ADGRE1: variants seen among roughly 807,000 people sequenced by gnomAD.
ADGRE1 encodes the protein EGF-like module receptor 1.
ADGRE1 carries 82 observed loss-of-function variants against 102.7 expected under a neutral mutation model. The observed-to-expected ratio is 0.80, with a 90% CI of 0.67 to 0.96. The LOEUF (loss-of-function observed/expected upper bound fraction) is 0.96, where lower values mean the gene tolerates loss of function less well. Among genes scored for constraint, ADGRE1 ranks in the 40% least tolerant of loss-of-function variants. The probability of loss-of-function intolerance (pLI) is 0.00; values close to 1 mark genes in which losing one functional copy is unlikely to be tolerated. For synonymous variants in ADGRE1, 398 were observed against 399.6 expected (o/e 1.00, Z 0.05); for missense variants, 1,032 against 1,085.3 (o/e 0.95, Z 0.69).
At chr19:6,889,749 T>C (rs905163483) in intron 1 of ADGRE1, among the ~76,000 whole-genome samples, 19 of 150,804 alleles carry the variant, frequency 1.3e-4, no homozygotes, top group African/African-American at 4.2e-4. Context: ...TCATGAAATG[T>C]TAATACTACA....
chr19:6,891,110 T>C (rs1599707810), intron 2 of ADGRE1: 1 of 152,398 alleles, frequency 6.6e-6, no homozygotes, highest in African/African-American at 2.4e-5. Flanking sequence ...TTGGAGATAA[T>C]TGAATCATGG....
chr19:6,935,572 T>C (rs1975369691), intron 18 of ADGRE1, among the ~76,000 whole-genome samples: 3 of 152,224 alleles, frequency 2.0e-5, no homozygotes, highest in East Asian at 1.9e-4. Flanking sequence ...TTGTAGCACA[T>C]TGTATTTAAG....
chr19:6,913,794 G>A lies in ADGRE1; in HGVS notation c.1264G>A (p.Ala422Thr), dbSNP rs1296938132. 1 of 1,611,272 alleles carries A rather than the reference G, an allele frequency of 6.2e-7. No homozygotes were observed. Among genetic ancestry groups the A allele is most frequent in the Admixed American group, 1.7e-5 (1 of 59,800 alleles). Residue 422 changes from alanine (A) to threonine (T), a missense_variant, in exon 11 of 21, where the codon GCA becomes ACA. Transcript: ENST00000312053. ...MTLASFWKPS[A>T]NITPAVRTEY... is the part of the protein sequence containing the mutation. ...ACTGGCATCTTTTTGGAAACCCTCA[G>A]CAAATATCACTCCGGCTGTTCGGAC...
intron 15 of ADGRE1, 80 bp downstream of exon 15, chr19:6,924,952 C>G (rs981796528): frequency 2.7e-6 from 4 of 1,470,008 alleles, no homozygotes; most frequent in African/African-American, 2.8e-5. Flanking sequence ...CCAACTCCCT[C>G]TATCCCTGTT....
At position 6,940,170 on chromosome 19, in the gene ADGRE1, T is replaced by C. The variant is rs548788472; in HGVS notation, c.*141T>C. On this transcript the variant is annotated 3_prime_UTR_variant, in exon 21 of 21. Transcript: ENST00000312053. ...CCCCAGAACCCTCTGGGGAAGAATG[T>C]TGGGGGCGGTCTTCCTGTGGTTGTA... is the stretch of plus-strand genomic sequence containing the variant. 5.7e-5 allele frequency: 57 copies of C among 997,714 alleles called. No individual in the cohort carries two copies. The highest frequency in any genetic ancestry group is 3.9e-4 in the East Asian group (15 of 38,958). 61.8% of individuals were successfully genotyped at this position (997,714 alleles called of 1,614,324 possible).
At chr19:6,898,324 C>T (rs1973644897) in intron 5 of ADGRE1, 3 of 1,597,446 alleles carry the variant, frequency 1.9e-6, no homozygotes, top group Admixed American at 3.3e-5. Context: ...TGAATGTTCT[C>T]AAAGCCCCCA....
At chr19:6,923,726 T>G (rs901983844) in intron 14 of ADGRE1, among the ~76,000 whole-genome samples, 4 of 151,588 alleles carry the variant, frequency 2.6e-5, no homozygotes, top group African/African-American at 9.7e-5. Flanking sequence ...TTAGTAGAGA[T>G]AGGATTTCGC....
At chr19:6,916,628 A>G (rs181849844) in intron 12 of ADGRE1, among the ~76,000 whole-genome samples, 3 of 152,164 alleles carry the variant, frequency 2.0e-5, no homozygotes, top group African/African-American at 7.2e-5. Context: ...AAATTTGTAT[A>G]AGCCAGGTTG....
At chr19:6,913,975 A>T in intron 11 of ADGRE1, 145 bp downstream of exon 11, 1 of 918,802 alleles carries the variant, frequency 1.1e-6, no homozygotes, top group East Asian at 2.6e-5. Context: ...AAGTCTAATC[A>T]TATTAACAAC....
At chr19:6,893,500 C>T (rs774549749) in intron 2 of ADGRE1, among the ~76,000 whole-genome samples, 33 of 152,186 alleles carry the variant, frequency 2.2e-4, no homozygotes, top group South Asian at 4.1e-4. Context: ...CACGCCTGCC[C>T]GATTTCATTA....
Position 6,936,522 on chromosome 19 carries a change from A to G in ADGRE1, c.2382-721A>G, listed in dbSNP as rs558924090. On this transcript the variant is annotated intron_variant, in intron 18 of 20. Coordinates refer to ENST00000312053, the MANE Select transcript of ADGRE1 (RefSeq NM_001974.5). ...AAATGTAAGCAATAAGTTTCACATCAGATGAAATTCACCATTTTAACCATT... is the reference window on the plus strand; with the variant it reads ...AAATGTAAGCAATAAGTTTCACATCGGATGAAATTCACCATTTTAACCATT... 4.6e-5 allele frequency among the ~76,000 whole-genome samples: 7 copies of G among 152,208 alleles called. No individual in the cohort carries two copies. In the South Asian group the frequency reaches 1.5e-3, roughly 32 times the overall value.
At chr19:6,931,367 C>T (rs1227032910) in intron 17 of ADGRE1, among the ~76,000 whole-genome samples, 2 of 152,120 alleles carry the variant, frequency 1.3e-5, no homozygotes, top group African/African-American at 4.8e-5. Flanking sequence ...TGCTGGGTGG[C>T]TTAGAACAAC....
chr19:6,923,935 G>A (rs568570666), intron 14 of ADGRE1, among the ~76,000 whole-genome samples: 1 of 151,034 alleles, frequency 6.6e-6, no homozygotes, highest in African/African-American at 2.4e-5. Context: ...ACCACTCAGA[G>A]ACATTTAAAA....
chr19:6,935,176 G>A, intron 18 of ADGRE1, 98 bp downstream of exon 18: 1 of 816,900 alleles, frequency 1.2e-6, no homozygotes, highest in East Asian at 3.0e-5. Context: ...TCCTATGCCT[G>A]AGACAGAGGT....
At chr19:6,906,553 G>C (rs777897688) in intron 9 of ADGRE1, 32 bp downstream of exon 9, 1 of 1,595,010 alleles carries the variant, frequency 6.3e-7, no homozygotes. Context: ...TAGTTTTTGA[G>C]GTTTTCTTAG....
intron 18 of ADGRE1, 44 bp from the exon 19 acceptor site, chr19:6,937,199 T>C (rs1431234209): frequency 2.5e-6 from 4 of 1,576,924 alleles, no homozygotes; most frequent in African/African-American, 1.3e-5. Context: ...GCAAGGACAA[T>C]AGCCACCTCC....
chr19:6,934,606 T>A (rs1199556197), intron 17 of ADGRE1, among the ~76,000 whole-genome samples: 3 of 148,352 alleles, frequency 2.0e-5, no homozygotes, highest in Admixed American at 2.0e-4. Flanking sequence ...TTGTATTTTT[T>A]TTTTTTTTTT....
chr19:6,891,853 C>T (rs1973388207), intron 2 of ADGRE1, among the ~76,000 whole-genome samples: 2 of 152,002 alleles, frequency 1.3e-5, no homozygotes, highest in Non-Finnish European at 2.9e-5. Flanking sequence ...TTGATGTTAC[C>T]CAGGCAAAGG....
rs569238824 is a variant in ADGRE1, at chr19:6,923,785, G to A, written c.1792-893G>A. On this transcript the variant is annotated intron_variant, in intron 14 of 20. Transcript: ENST00000312053. ...GCTTCTGAGCTCAGGTGATCCACCC[G>A]CCCCAGCCTCCCATAAGTGCTGGGA... Among the ~76,000 whole-genome samples the A allele has an allele frequency of 2.3e-3, 349 of 151,336 alleles. 7 individuals carry two copies. The highest frequency in any genetic ancestry group is 2.5e-3 in the South Asian group (12 of 4,770).
Sources: allele counts gnomAD v4.1 joint callset (sites outside exome capture counted in the v4.1 genomes callset), GRCh38; gene constraint gnomAD v4.1.1; transcripts MANE v1.5; gene names NCBI Gene and HGNC (gene_info 2026-07-23, HGNC 2026-07-21).